The following TET2 variants were observed in gnomAD, a reference collection of about 807,000 sequenced individuals.
TET2 encodes tet methylcytosine dioxygenase 2, also known as methylcytosine dioxygenase TET2.
A neutral mutation model predicts 142.9 loss-of-function variants in TET2; 299 were observed. The ratio of observed to expected loss-of-function variants is 2.09; its 90% CI spans 1.90 to 2.30. The LOEUF (loss-of-function observed/expected upper bound fraction) is 2.30. Among genes scored for constraint, TET2 ranks in the 30% most tolerant of loss-of-function variants. The pLI is 0.00. For synonymous variants in TET2, 819 were observed against 849.0 expected, an observed-to-expected ratio of 0.96 and a Z score of 0.61; for missense variants, 2,418 against 2,378.0, an observed-to-expected ratio of 1.02 and a Z score of -0.35.
Position 105,237,086 on chromosome 4 carries a change from C to G in TET2, c.3144C>G (p.Leu1048=). Residue 1048 remains leucine (L), a synonymous_variant, in exon 3 of 11, where the codon CTC becomes CTG. Transcript: ENST00000380013. ...KSLFDHKALT[L]KSQKQVKVEM... is the part of the protein sequence containing the mutation. ...TATTTGACCATAAGGCTCTTACTCT[C>G]AAATCACAGAAGCAAGTAAAAGTTG... 1.2e-6 allele frequency: 2 copies of G among 1,614,164 alleles called. No individual in the cohort carries two copies. The highest frequency in any genetic ancestry group is 1.7e-6 in the Non-Finnish European group (2 of 1,180,028).
chr4:105,178,104 A>G (rs1210937493), intron 1 of TET2: 1 of 152,086 alleles, frequency 6.6e-6, no homozygotes, highest in Admixed American at 6.6e-5. Flanking sequence ...AAAAGCAAAA[A>G]CAAAAACAAA....
chr4:105,243,040 C>G, intron 5 of TET2, 113 bp downstream of exon 5: 1 of 814,054 alleles, frequency 1.2e-6, no homozygotes, highest in Non-Finnish European at 2.0e-6. Flanking sequence ...TTAAAAAGAA[C>G]ATTACCTGTA....
upstream of TET2, chr4:105,146,167 G>C (rs933127251): frequency 1.3e-5 from 2 of 152,786 alleles, no homozygotes; most frequent in Non-Finnish European, 2.9e-5. Flanking sequence ...GGGCACGTGC[G>C]GGTACACTCC....
intron 1 of TET2, among the ~76,000 whole-genome samples, chr4:105,149,436 ATGTT>A (rs1472424975): frequency 1.3e-5 from 2 of 152,218 alleles, no homozygotes; most frequent in Non-Finnish European, 2.9e-5. Context: ...AGAGATGTGT[ATGTT>A]AGTCACTTTA....
At chr4:105,207,165 T>C (rs1215611053) in intron 2 of TET2, among the ~76,000 whole-genome samples, 3 of 152,166 alleles carry the variant, frequency 2.0e-5, no homozygotes, top group Admixed American at 6.5e-5. Flanking sequence ...TTTTATAAGA[T>C]TCTCAAAAAG....
chr4:105,271,141 A>G (rs1427620108), intron 9 of TET2, among the ~76,000 whole-genome samples: 1 of 152,160 alleles, frequency 6.6e-6, no homozygotes, highest in Non-Finnish European at 1.5e-5. Flanking sequence ...AACTCCTTGA[A>G]AATGTAAAAA....
At chr4:105,199,234 G>A (rs919272398) in intron 2 of TET2, among the ~76,000 whole-genome samples, 10 of 152,118 alleles carry the variant, frequency 6.6e-5, no homozygotes, top group East Asian at 5.8e-4. Context: ...CATCCTTATA[G>A]GGCTCTCTTC....
At chr4:105,266,915 A>C (rs969503454) in intron 8 of TET2, among the ~76,000 whole-genome samples, 11 of 152,016 alleles carry the variant, frequency 7.2e-5, no homozygotes, top group Admixed American at 1.3e-4. Context: ...TAAAAAACAA[A>C]GACATAAAAA....
chr4:105,264,102 AT>A lies in TET2; in HGVS notation c.4044+2269del, dbSNP rs796297285. ...CACTGTGGACTTTAACGTCCCAAACATTTTTTTTTTTTTTTGGTTCGAACAA... is the reference window on the plus strand; with the variant it reads ...CACTGTGGACTTTAACGTCCCAAACATTTTTTTTTTTTTTGGTTCGAACAA... On this transcript the variant is annotated intron_variant, in intron 8 of 10. Coordinates refer to ENST00000380013, the MANE Select transcript of TET2 (RefSeq NM_001127208.3). 5.5e-3 allele frequency among the ~76,000 whole-genome samples: 762 copies of A among 139,518 alleles called. 4 individuals carry two copies. Among genetic ancestry groups the A allele is most frequent in the East Asian group, 0.032 (153 of 4,826 alleles). 91.5% of individuals were successfully genotyped at this position (139,518 alleles called of 152,430 possible). A position where few individuals can be genotyped will look rare whatever the true frequency, so the allele number is the denominator to read the frequency against.
chr4:105,218,212 T>C (rs1276969761), intron 2 of TET2, among the ~76,000 whole-genome samples: 1 of 152,068 alleles, frequency 6.6e-6, no homozygotes, highest in Admixed American at 6.6e-5. Context: ...AAGAAAGCTT[T>C]TTAATCATCC....
At chr4:105,213,198 A>G (rs1048200886) in intron 2 of TET2, among the ~76,000 whole-genome samples, 4 of 152,008 alleles carry the variant, frequency 2.6e-5, no homozygotes, top group Non-Finnish European at 5.9e-5. Flanking sequence ...AATAGTGACT[A>G]TTTTCTAGGG....
chr4:105,275,077 C>G lies in TET2; in HGVS notation c.4567C>G (p.Gln1523Glu), dbSNP rs1248382089. The G allele has an allele frequency of 6.5e-7, 1 of 1,546,286 alleles. No individual in the cohort carries two copies. The highest frequency in any genetic ancestry group is 1.4e-5 in the African/African-American group (1 of 72,956). Residue 1523 changes from glutamine to glutamate, a missense_variant, in exon 11 of 11, where the codon CAG becomes GAG. Coordinates refer to ENST00000380013, the MANE Select transcript of TET2 (RefSeq NM_001127208.3). ...TTTGCGACTTTCAGGACCAGTCATG[C>G]AGCAGTCCCAGCAGCCCCAGCCTCT... ...ELLRLSGPVM[Q>E]QSQQPQPLQK...
intron 6 of TET2, among the ~76,000 whole-genome samples, chr4:105,246,513 T>G (rs1729589609): frequency 6.8e-6 from 1 of 147,400 alleles, no homozygotes; most frequent in Admixed American, 6.6e-5. Flanking sequence ...ATGCTTAAGC[T>G]ATGCTTATGC....
intron 1 of TET2, chr4:105,147,872 T>TG (rs201920536): frequency 0.029 from 14 of 476 alleles, no homozygotes; most frequent in African/African-American, 0.1. Context: ...AGCGCAGCGT[T>TG]GGAGTTGCAA....
chr4:105,233,383 C>CAAGAAAAAAA (rs1728621269), intron 2 of TET2, among the ~76,000 whole-genome samples: 1 of 76,148 alleles, frequency 1.3e-5, no homozygotes, highest in Non-Finnish European at 2.3e-5. Context: ...GACTCCATCT[C>CAAGAAAAAAA]AAAAAAAAAA....
At chr4:105,272,003 C>T (rs2726520) in intron 9 of TET2, among the ~76,000 whole-genome samples, 1 of 151,856 alleles carries the variant, frequency 6.6e-6, no homozygotes, top group African/African-American at 2.4e-5. Context: ...TCAGCCAAAT[C>T]TTTACCTTTT....
At chr4:105,218,520 T>G (rs951114974) in intron 2 of TET2, among the ~76,000 whole-genome samples, 3 of 152,152 alleles carry the variant, frequency 2.0e-5, no homozygotes, top group Non-Finnish European at 4.4e-5. Context: ...AGTTATTTAA[T>G]TGAAGCCCCA....
intron 1 of TET2, among the ~76,000 whole-genome samples, chr4:105,169,017 T>G (rs1724310684): frequency 6.6e-6 from 1 of 152,262 alleles, no homozygotes; most frequent in Non-Finnish European, 1.5e-5. Context: ...TTCCACATTT[T>G]TGCAATTGCA....
chr4:105,237,714 G>A, intron 3 of TET2: 2 of 1,203,284 alleles, frequency 1.7e-6, no homozygotes, highest in East Asian at 4.6e-5. Flanking sequence ...ATTAAAATGA[G>A]AAAATAACGA....
Sources: gnomAD v4.1 joint callset for allele counts (sites outside exome capture counted in the v4.1 genomes callset) on GRCh38, gnomAD v4.1.1 for gene constraint, MANE v1.5 for transcripts, NCBI Gene and HGNC (gene_info 2026-07-23, HGNC 2026-07-21) for gene names.